The following N4BP2L2 variants were observed in gnomAD, a reference collection of about 807,000 sequenced individuals.
N4BP2L2 encodes the protein NEDD4 binding protein 2 like 2, also known as NEDD4-binding protein 2-like 2.
N4BP2L2 carries 50 observed loss-of-function variants against 56.2 expected under a neutral mutation model. That is an observed-to-expected ratio of 0.89 (90% CI 0.71 to 1.13). The LOEUF (loss-of-function observed/expected upper bound fraction) is 1.13, where lower values mean the gene tolerates loss of function less well. Ranked by LOEUF, N4BP2L2 falls within the 50% of genes most tolerant of loss-of-function variation. The pLI is 0.00. For synonymous variants in N4BP2L2, 203 were observed against 223.6 expected (o/e 0.91, Z 0.82); for missense variants, 689 against 693.8 (o/e 0.99, Z 0.08).
chr13:32,496,103 GGGC>G, intron 6 of N4BP2L2, among the ~76,000 whole-genome samples: 1 of 152,194 alleles, frequency 6.6e-6, no homozygotes, highest in Non-Finnish European at 1.5e-5. Context: ...CAGCCAGGAA[GGGC>G]AATGTGCTAG....
At chr13:32,448,909 G>A (rs1384139680) in intron 6 of N4BP2L2, among the ~76,000 whole-genome samples, 1 of 152,160 alleles carries the variant, frequency 6.6e-6, no homozygotes, top group Non-Finnish European at 1.5e-5. Context: ...CAGTAATAGC[G>A]AAGTCCAGGC....
chr13:32,494,508 A>T (rs939247033), intron 6 of N4BP2L2, among the ~76,000 whole-genome samples: 1 of 152,110 alleles, frequency 6.6e-6, no homozygotes, highest in Non-Finnish European at 1.5e-5. Context: ...TCAAGCCTGT[A>T]ATCCTAGCAC....
intron 4 of N4BP2L2, 60 bp from the exon 5 acceptor site, chr13:32,521,509 A>C: frequency 8.5e-7 from 1 of 1,177,144 alleles, no homozygotes; most frequent in Middle Eastern, 2.1e-4. Flanking sequence ...AGTAAAAAGA[A>C]GGCAGACAGT....
intron 6 of N4BP2L2, among the ~76,000 whole-genome samples, chr13:32,450,304 T>TA (rs1400528595): frequency 4.0e-5 from 6 of 151,560 alleles, no homozygotes; most frequent in Admixed American, 6.6e-5. Flanking sequence ...TGAATAACAG[T>TA]AAAAAAATTA....
At chr13:32,534,894 C>T (rs114669811) in intron 2 of N4BP2L2, among the ~76,000 whole-genome samples, 1,849 of 152,238 alleles carry the variant, frequency 0.012, 42 homozygotes, top group African/African-American at 0.042. Flanking sequence ...TTTTTCACAA[C>T]TGCATAAACA....
chr13:32,495,057 G>T (rs1386162787), intron 6 of N4BP2L2, among the ~76,000 whole-genome samples: 11 of 151,456 alleles, frequency 7.3e-5, no homozygotes, highest in Admixed American at 7.3e-4. Context: ...CTTCCAATTA[G>T]CTCCAGCGAA....
chr13:32,508,653 C>G (rs945108719), downstream of N4BP2L2: 6 of 152,014 alleles, frequency 3.9e-5, no homozygotes, highest in African/African-American at 1.2e-4. Flanking sequence ...AATAATGACC[C>G]AATATATATT....
chr13:32,535,711 T>C (rs2056388951), intron 2 of N4BP2L2, 58 bp downstream of exon 2: 32 of 1,535,468 alleles, frequency 2.1e-5, no homozygotes, highest in Non-Finnish European at 2.8e-5. Context: ...GCGACAAATA[T>C]CATTTATAAT....
chr13:32,455,785 T>A (rs1281303313), intron 6 of N4BP2L2, among the ~76,000 whole-genome samples: 1 of 152,004 alleles, frequency 6.6e-6, no homozygotes, highest in Admixed American at 6.5e-5. Context: ...TGGCGGGATC[T>A]CCGCACTCCT....
intron 5 of N4BP2L2, among the ~76,000 whole-genome samples, chr13:32,520,369 A>G (rs1233256749): frequency 6.6e-6 from 1 of 151,798 alleles, no homozygotes. Context: ...AAAAAAAAAA[A>G]AAAGGCCAGG....
intron 6 of N4BP2L2, among the ~76,000 whole-genome samples, chr13:32,495,106 AT>A (rs201470324): frequency 6.7e-6 from 1 of 148,918 alleles, no homozygotes; most frequent in East Asian, 2.0e-4. Flanking sequence ...CAGAAAAAAA[AT>A]CAGAATAAAC....
At chr13:32,538,719 A>C (rs2057259124) in exon 1 of N4BP2L2, 1 of 985,418 alleles carries the variant, frequency 1.0e-6, no homozygotes, top group Admixed American at 6.1e-5. Context: ...GACAGCACTA[A>C]AGCCGAGGTC....
At chr13:32,517,768 G>C in exon 6 of N4BP2L2, 1 of 1,604,854 alleles carries the variant, frequency 6.2e-7, no homozygotes, top group East Asian at 2.2e-5. Context: ...TTTTTCAAGT[G>C]CAACAACAAA....
chr13:32,475,453 T>C (rs908685876), intron 6 of N4BP2L2, among the ~76,000 whole-genome samples: 15 of 152,228 alleles, frequency 9.9e-5, no homozygotes, highest in African/African-American at 3.6e-4. Context: ...CCAAGTTTTA[T>C]AGTCCAGTTT....
exon 6 of N4BP2L2, chr13:32,510,433 A>T (rs1301240547): frequency 6.6e-6 from 1 of 152,100 alleles, no homozygotes; most frequent in Non-Finnish European, 1.5e-5. Flanking sequence ...AAATATGATT[A>T]TCAAGTCTAT....
chr13:32,503,340 A>T (rs2090365363), intron 6 of N4BP2L2, among the ~76,000 whole-genome samples: 1 of 152,136 alleles, frequency 6.6e-6, no homozygotes. Context: ...TTCAAACACA[A>T]ATCAAGCTTT....
At chr13:32,487,292 G>A (rs1212392329) in intron 6 of N4BP2L2, among the ~76,000 whole-genome samples, 3 of 151,346 alleles carry the variant, frequency 2.0e-5, no homozygotes, top group East Asian at 3.9e-4. Context: ...TGGGCAACAT[G>A]GTGAAATCCC....
At chr13:32,467,666 A>C (rs2081469492) in intron 6 of N4BP2L2, among the ~76,000 whole-genome samples, 1 of 151,896 alleles carries the variant, frequency 6.6e-6, no homozygotes, top group South Asian at 2.1e-4. Context: ...ACAATGAAAA[A>C]AAAATTGTTT....
At chr13:32,470,628 C>T (rs541438791) in intron 6 of N4BP2L2, among the ~76,000 whole-genome samples, 2 of 152,312 alleles carry the variant, frequency 1.3e-5, no homozygotes, top group Admixed American at 6.5e-5. Flanking sequence ...ATATGCTTCC[C>T]TTCAGGCTAA....
Sources: gnomAD v4.1 joint callset for allele counts (sites outside exome capture counted in the v4.1 genomes callset) on GRCh38, gnomAD v4.1.1 for gene constraint, MANE v1.5 for transcripts, NCBI Gene and HGNC (gene_info 2026-07-23, HGNC 2026-07-21) for gene names.